CTNNA3: variants seen among roughly 807,000 people sequenced by gnomAD.
The protein encoded by CTNNA3 is catenin alpha-3.
A neutral mutation model predicts 95.7 loss-of-function variants in CTNNA3; 76 were observed. The ratio of observed to expected loss-of-function variants is 0.79; its 90% confidence interval spans 0.66 to 0.96. CTNNA3 has a LOEUF of 0.96. CTNNA3 is among the 40% of genes least tolerant of loss of function. The pLI is 0.00. For missense variants in CTNNA3, 1,191 were observed against 1,089.8 expected (o/e 1.09, Z -1.31); for synonymous variants, 431 against 374.4 (o/e 1.15, Z -1.74).
intron 11 of CTNNA3, among the ~76,000 whole-genome samples, chr10:66,513,479 C>A (rs2131998900): frequency 6.6e-6 from 1 of 152,268 alleles, no homozygotes. Context: ...TCCTTGGATC[C>A]CTGGGGAGTG....
intron 6 of CTNNA3, among the ~76,000 whole-genome samples, chr10:67,182,704 A>C (rs957158172): frequency 2.2e-4 from 33 of 152,304 alleles, no homozygotes; most frequent in Admixed American, 5.9e-4. Context: ...TAATTAAACT[A>C]AAGAGCTTCT....
chr10:67,603,164 G>C (rs1196626790), intron 3 of CTNNA3, among the ~76,000 whole-genome samples: 1 of 152,186 alleles, frequency 6.6e-6, no homozygotes, highest in Non-Finnish European at 1.5e-5. Context: ...TCAGCATACG[G>C]GGTCAGTAAA....
chr10:67,752,579 A>C (rs1841413029), intron 1 of CTNNA3, among the ~76,000 whole-genome samples: 2 of 152,202 alleles, frequency 1.3e-5, no homozygotes, highest in South Asian at 4.1e-4. Flanking sequence ...AGAAAATCCC[A>C]TTGTCTCAGC....
intron 13 of CTNNA3, among the ~76,000 whole-genome samples, chr10:66,154,727 T>TATATATATATATATATATATAC (rs1485674254): frequency 1.4e-5 from 2 of 139,284 alleles, no homozygotes; most frequent in Admixed American, 1.5e-4. Flanking sequence ...TTCATATATA[T>TATATATATATATATATATATAC]ATATATATAT....
chr10:67,392,671 G>A (rs1452942714), intron 5 of CTNNA3, among the ~76,000 whole-genome samples: 3 of 152,130 alleles, frequency 2.0e-5, no homozygotes, highest in African/African-American at 7.2e-5. Context: ...GTCCATCAAT[G>A]ATAGACTGGA....
chr10:66,979,758 C>T (rs1370247166), intron 7 of CTNNA3, among the ~76,000 whole-genome samples: 4 of 152,108 alleles, frequency 2.6e-5, no homozygotes, highest in African/African-American at 9.7e-5. Flanking sequence ...TTATCACTAT[C>T]ATAATAGAAC....
In CTNNA3 at chr10:66,069,364, G is replaced by T; in HGVS notation, c.2103C>A (p.Ile701=). 1.2e-6 allele frequency: 2 copies of T among 1,613,662 alleles called. No individual in the cohort carries two copies. Among genetic ancestry groups the T allele is most frequent in the South Asian group, 1.1e-5 (1 of 91,082 alleles). The part of the protein sequence containing the change: ...IEIWDDTSND[I]IVLAKNMCMI... The stretch of plus-strand genomic sequence containing the variant: ...TACACATGTTCTTGGCCAGAACAAT[G>T]ATGTCGTTGCTTGTATCATCCCATA... The change falls in exon 15 of 18, where the codon ATC becomes ATA. Residue 701 remains isoleucine, a synonymous_variant. Transcript: ENST00000433211.
At chr10:67,656,191 T>C (rs1163906637) in intron 1 of CTNNA3, among the ~76,000 whole-genome samples, 1 of 152,212 alleles carries the variant, frequency 6.6e-6, no homozygotes, top group African/African-American at 2.4e-5. Flanking sequence ...TTCTACTCTC[T>C]TGGTAAACAA....
At chr10:66,124,828 C>A (rs1311394425) in intron 13 of CTNNA3, among the ~76,000 whole-genome samples, 3 of 152,112 alleles carry the variant, frequency 2.0e-5, no homozygotes, top group African/African-American at 7.2e-5. Context: ...ACAGAAAAGA[C>A]CCACCCTCTT....
chr10:65,943,507 T>G (rs7074828), intron 17 of CTNNA3, among the ~76,000 whole-genome samples: 10,699 of 152,240 alleles, frequency 0.07, 403 homozygotes, highest in South Asian at 0.11. Flanking sequence ...TCAATGACAT[T>G]ACATCAAACC....
intron 3 of CTNNA3, among the ~76,000 whole-genome samples, chr10:67,586,492 G>A (rs1211825745): frequency 3.3e-5 from 5 of 152,028 alleles, no homozygotes; most frequent in Non-Finnish European, 5.9e-5. Context: ...GGGTGCTCCA[G>A]GATTGGATGC....
At chr10:67,419,295 C>T (rs1845655798) in intron 5 of CTNNA3, among the ~76,000 whole-genome samples, 2 of 152,280 alleles carry the variant, frequency 1.3e-5, no homozygotes, top group South Asian at 4.1e-4. Flanking sequence ...CAATAACATG[C>T]ATTATCCTTG....
chr10:66,546,255 T>C (rs1318539612), intron 10 of CTNNA3, among the ~76,000 whole-genome samples: 1 of 152,182 alleles, frequency 6.6e-6, no homozygotes, highest in Admixed American at 6.5e-5. Context: ...TGGAATTGGT[T>C]TACATGAAAG....
chr10:66,793,674 T>A (rs762933166), intron 7 of CTNNA3, among the ~76,000 whole-genome samples: 3 of 152,190 alleles, frequency 2.0e-5, no homozygotes, highest in Admixed American at 6.6e-5. Flanking sequence ...GAGTTCACAT[T>A]CATTACACTT....
intron 17 of CTNNA3, among the ~76,000 whole-genome samples, chr10:65,956,182 GT>G (rs1328482507): frequency 6.6e-6 from 1 of 152,142 alleles, no homozygotes; most frequent in Admixed American, 6.5e-5. Context: ...GTGTAGAGGT[GT>G]TTATAGTATT....
intron 1 of CTNNA3, among the ~76,000 whole-genome samples, chr10:67,756,910 A>G (rs1841436699): frequency 6.6e-6 from 1 of 152,202 alleles, no homozygotes; most frequent in Non-Finnish European, 1.5e-5. Flanking sequence ...ATATATAAGT[A>G]TAGGGGAAAG....
chr10:67,469,256 G>T (rs74142813), intron 5 of CTNNA3, among the ~76,000 whole-genome samples: 1 of 152,016 alleles, frequency 6.6e-6, no homozygotes, highest in East Asian at 1.9e-4. Context: ...ATTTTTCTCC[G>T]TACTTTCAAA....
At chr10:66,972,564 C>T (rs1201076673) in intron 7 of CTNNA3, among the ~76,000 whole-genome samples, 1 of 152,060 alleles carries the variant, frequency 6.6e-6, no homozygotes, top group African/African-American at 2.4e-5. Context: ...TTAACAGGCC[C>T]ATCCAGATTG....
At chr10:66,199,477 C>A (rs116284622) in intron 13 of CTNNA3, among the ~76,000 whole-genome samples, 5,626 of 151,006 alleles carry the variant, frequency 0.037, 374 homozygotes, top group African/African-American at 0.13. Context: ...AAAAAAAGAA[C>A]AACAAAACTT....
Sources: gnomAD v4.1 joint callset for allele counts (sites outside exome capture counted in the v4.1 genomes callset) on GRCh38, gnomAD v4.1.1 for gene constraint, MANE v1.5 for transcripts, NCBI Gene and HGNC (gene_info 2026-07-23, HGNC 2026-07-21) for gene names.